NLGN1: variants seen among roughly 807,000 people sequenced by gnomAD.
The protein encoded by NLGN1 is neuroligin 1, also known as neuroligin-1.
A neutral mutation model predicts 65.5 loss-of-function variants in NLGN1; 12 were observed. That is an observed-to-expected ratio of 0.18 (90% CI 0.12 to 0.30). The LOEUF (loss-of-function observed/expected upper bound fraction) is 0.30. Ranked by LOEUF, NLGN1 falls within the 10% of genes least tolerant of loss-of-function variation. NLGN1 has a pLI of 1.00. For missense variants in NLGN1, 750 were observed against 1,007.1 expected, an observed-to-expected ratio of 0.74 and a Z score of 3.46; for synonymous variants, 350 against 359.5, an observed-to-expected ratio of 0.97 and a Z score of 0.30.
At position 173,415,890 on chromosome 3, in the gene NLGN1, A is replaced by AATATATATATATATAT. The variant is rs149873787; in HGVS notation, c.-390+17418_-390+17419insTATATATATATATATA. ...TACCTGTGGAACATTGCAAGGAGTA[A>AATATATATATATATAT]ATATATATATATATAGAGAGAGAGA... On this transcript the variant is annotated intron_variant, in intron 1 of 6. Transcript: ENST00000457714. Among the ~76,000 whole-genome samples the AATATATATATATATAT allele has an allele frequency of 2.2e-3, 290 of 134,706 alleles. 3 individuals are homozygous for AATATATATATATATAT. Among genetic ancestry groups the AATATATATATATATAT allele is most frequent in the African/African-American group, 7.8e-3 (242 of 31,186 alleles). The allele number at this position is 134,706 out of a possible 152,430, so 88.4% of individuals were successfully genotyped here. A position where few individuals can be genotyped will look rare whatever the true frequency, so the allele number is the denominator to read the frequency against.
intron 4 of NLGN1, among the ~76,000 whole-genome samples, chr3:173,981,852 G>A (rs1376522898): frequency 1.3e-5 from 2 of 151,694 alleles, no homozygotes; most frequent in African/African-American, 2.4e-5. Flanking sequence ...AATATATGTT[G>A]CCTAACTTAA....
At chr3:174,146,509 A>G (rs1723302369) in intron 4 of NLGN1, among the ~76,000 whole-genome samples, 1 of 152,094 alleles carries the variant, frequency 6.6e-6, no homozygotes, top group Admixed American at 6.5e-5. Context: ...AGAAAAGCAA[A>G]TTATTTTAAA....
intron 3 of NLGN1, among the ~76,000 whole-genome samples, chr3:173,622,399 G>T (rs917649083): frequency 4.6e-5 from 7 of 152,010 alleles, no homozygotes; most frequent in Non-Finnish European, 1.0e-4. Flanking sequence ...CATACACCTA[G>T]ATCATTAAAA....
intron 3 of NLGN1, among the ~76,000 whole-genome samples, chr3:173,782,281 C>G (rs1781299014): frequency 6.6e-6 from 1 of 152,016 alleles, no homozygotes; most frequent in South Asian, 2.1e-4. Flanking sequence ...CACATAGGCA[C>G]TCAGATGTTA....
At chr3:173,464,018 A>G (rs1013765385) in intron 2 of NLGN1, among the ~76,000 whole-genome samples, 6 of 152,062 alleles carry the variant, frequency 3.9e-5, no homozygotes, top group Non-Finnish European at 7.4e-5. Context: ...ACCTCTTAAC[A>G]TCCTCAATCA....
At chr3:173,707,264 T>G (rs2149917872) in intron 3 of NLGN1, among the ~76,000 whole-genome samples, 1 of 152,298 alleles carries the variant, frequency 6.6e-6, no homozygotes, top group Non-Finnish European at 1.5e-5. Flanking sequence ...GGAGTAATTT[T>G]GAGAAATGCA....
intron 4 of NLGN1, among the ~76,000 whole-genome samples, chr3:174,144,547 T>C (rs1722855785): frequency 6.6e-6 from 1 of 152,182 alleles, no homozygotes; most frequent in South Asian, 2.1e-4. Flanking sequence ...GTAAAAGCAT[T>C]CCTATTTCTC....
intron 4 of NLGN1, among the ~76,000 whole-genome samples, chr3:173,839,458 C>G (rs1390316490): frequency 1.3e-5 from 2 of 150,128 alleles, no homozygotes; most frequent in African/African-American, 4.9e-5. Flanking sequence ...AAGTCTTGCT[C>G]TGTCACCAGG....
chr3:173,611,931 T>C (rs915212229), intron 3 of NLGN1, among the ~76,000 whole-genome samples: 2 of 152,084 alleles, frequency 1.3e-5, no homozygotes, highest in African/African-American at 4.8e-5. Flanking sequence ...TCCTACCGTA[T>C]GTAATATCTT....
intron 1 of NLGN1, among the ~76,000 whole-genome samples, chr3:173,401,411 TATG>T (rs1286082109): frequency 2.6e-5 from 4 of 152,058 alleles, no homozygotes; most frequent in East Asian, 1.9e-4. Context: ...TTCCCTGCAT[TATG>T]GTGGTGGCGA....
At chr3:173,550,004 A>T (rs1458357392) in intron 2 of NLGN1, among the ~76,000 whole-genome samples, 1 of 152,036 alleles carries the variant, frequency 6.6e-6, no homozygotes, top group Non-Finnish European at 1.5e-5. Context: ...CGAGGAGATT[A>T]TGAGGATCTA....
At chr3:173,986,259 G>A (rs1719895123) in intron 4 of NLGN1, among the ~76,000 whole-genome samples, 1 of 152,026 alleles carries the variant, frequency 6.6e-6, no homozygotes, top group Admixed American at 6.6e-5. Context: ...ACGAGGTCAG[G>A]AGTTTGAGAC....
intron 4 of NLGN1, among the ~76,000 whole-genome samples, chr3:174,055,926 T>C (rs1391314240): frequency 6.6e-6 from 1 of 152,026 alleles, no homozygotes; most frequent in African/African-American, 2.4e-5. Flanking sequence ...TTGCTACTTT[T>C]ACAAGTAGGT....
intron 3 of NLGN1, among the ~76,000 whole-genome samples, chr3:173,678,143 G>A (rs530061575): frequency 3.3e-5 from 5 of 152,144 alleles, no homozygotes; most frequent in South Asian, 2.1e-4. Flanking sequence ...CAACCTGAGC[G>A]TCCACAGGCC....
chr3:173,823,147 T>C (rs1259892308), intron 4 of NLGN1, among the ~76,000 whole-genome samples: 1 of 152,020 alleles, frequency 6.6e-6, no homozygotes, highest in African/African-American at 2.4e-5. Context: ...CTTCTATAGA[T>C]TAAAAATTGG....
At chr3:173,793,920 A>G (rs937305218) in intron 3 of NLGN1, among the ~76,000 whole-genome samples, 3 of 152,112 alleles carry the variant, frequency 2.0e-5, no homozygotes, top group African/African-American at 7.2e-5. Flanking sequence ...GATTAAGACA[A>G]AAATCCTTCA....
intron 4 of NLGN1, among the ~76,000 whole-genome samples, chr3:173,998,612 A>G (rs915566162): frequency 6.6e-6 from 1 of 152,198 alleles, no homozygotes; most frequent in Admixed American, 6.5e-5. Context: ...TCAGTCTTCA[A>G]AACATTGCCA....
intron 4 of NLGN1, among the ~76,000 whole-genome samples, chr3:173,877,984 T>C (rs1265887696): frequency 6.6e-6 from 1 of 152,180 alleles, no homozygotes; most frequent in Non-Finnish European, 1.5e-5. Flanking sequence ...ATTAACTGAC[T>C]TACCTCTAGG....
intron 4 of NLGN1, among the ~76,000 whole-genome samples, chr3:174,040,495 G>A (rs912548738): frequency 2.2e-4 from 33 of 152,114 alleles, no homozygotes; most frequent in African/African-American, 6.0e-4. Context: ...CCAAATTTGT[G>A]TAGGGCACCT....
Sources: gnomAD v4.1 joint callset for allele counts (sites outside exome capture counted in the v4.1 genomes callset) on GRCh38, gnomAD v4.1.1 for gene constraint, MANE v1.5 for transcripts, NCBI Gene and HGNC (gene_info 2026-07-23, HGNC 2026-07-21) for gene names.